Variants in RORA observed in about 807,000 individuals in gnomAD.
The protein encoded by RORA is RAR related orphan receptor A, also known as nuclear receptor ROR-alpha.
RORA carries 7 observed loss-of-function variants against 69.5 expected under a neutral mutation model. That is an observed-to-expected ratio of 0.10 (90% CI 0.06 to 0.19). The LOEUF is 0.19. RORA is among the 10% of genes least tolerant of loss of function. The pLI is 1.00. For missense variants in RORA, 457 were observed against 663.0 expected (o/e 0.69, Z 3.41); for synonymous variants, 261 against 240.8 (o/e 1.08, Z -0.78).
chr15:60,541,952 A>C (rs1372044241), intron 2 of RORA, among the ~76,000 whole-genome samples: 1 of 152,198 alleles, frequency 6.6e-6, no homozygotes, highest in Non-Finnish European at 1.5e-5. Flanking sequence ...TTTTGCCTAC[A>C]GAGACAAACA....
chr15:61,051,708 G>A (rs192704431), intron 1 of RORA, among the ~76,000 whole-genome samples: 1 of 152,268 alleles, frequency 6.6e-6, no homozygotes, highest in African/African-American at 2.4e-5. Context: ...GGAAAGGACT[G>A]GTATTTGCTA....
chr15:60,713,945 G>A (rs2071181194), intron 1 of RORA, among the ~76,000 whole-genome samples: 1 of 152,166 alleles, frequency 6.6e-6, no homozygotes, highest in African/African-American at 2.4e-5. Context: ...ATAAAGTGAA[G>A]CTCTCTAGTC....
At chr15:61,117,932 G>A (rs1051373167) in intron 1 of RORA, among the ~76,000 whole-genome samples, 10 of 152,158 alleles carry the variant, frequency 6.6e-5, no homozygotes, top group African/African-American at 2.2e-4. Flanking sequence ...AATTGCTTGG[G>A]CTCAAGATAC....
At chr15:60,888,632 T>C (rs2140455131) in intron 1 of RORA, among the ~76,000 whole-genome samples, 1 of 152,302 alleles carries the variant, frequency 6.6e-6, no homozygotes, top group Non-Finnish European at 1.5e-5. Context: ...CACATGGCAT[T>C]TCTGGGCACA....
chr15:60,937,414 T>C (rs985601357), intron 1 of RORA, among the ~76,000 whole-genome samples: 1 of 152,218 alleles, frequency 6.6e-6, no homozygotes, highest in Admixed American at 6.5e-5. Flanking sequence ...AGCCAAGGTC[T>C]TCCAACCTTG....
intron 1 of RORA, among the ~76,000 whole-genome samples, chr15:60,773,618 G>T (rs1464387730): frequency 6.6e-6 from 1 of 152,158 alleles, no homozygotes; most frequent in African/African-American, 2.4e-5. Flanking sequence ...GAAAGCAAGA[G>T]AACTCTCCAT....
At chr15:60,552,686 C>T (rs933682430) in intron 2 of RORA, among the ~76,000 whole-genome samples, 4 of 152,202 alleles carry the variant, frequency 2.6e-5, no homozygotes, top group Admixed American at 2.6e-4. Flanking sequence ...GTGGAAACTA[C>T]AGCAAGAACC....
chr15:60,594,540 G>T (rs2068625714), intron 2 of RORA, among the ~76,000 whole-genome samples: 1 of 152,186 alleles, frequency 6.6e-6, no homozygotes, highest in African/African-American at 2.4e-5. Context: ...TCCTGCTTTA[G>T]AAAACAATGT....
At chr15:60,839,015 A>C (rs919944293) in intron 1 of RORA, among the ~76,000 whole-genome samples, 1 of 151,960 alleles carries the variant, frequency 6.6e-6, no homozygotes, top group African/African-American at 2.4e-5. Context: ...CAGCCTCCTG[A>C]ATAGCTGGGA....
intron 1 of RORA, among the ~76,000 whole-genome samples, chr15:60,689,659 C>T (rs2070795185): frequency 6.6e-6 from 1 of 151,982 alleles, no homozygotes; most frequent in African/African-American, 2.4e-5. Flanking sequence ...AATACTTAGA[C>T]TAAGTATTTA....
chr15:60,956,726 A>AGT (rs1408609809), intron 1 of RORA, among the ~76,000 whole-genome samples: 11 of 152,234 alleles, frequency 7.2e-5, no homozygotes, highest in African/African-American at 2.7e-4. Flanking sequence ...AGGACTCAAT[A>AGT]AATAGCTATT....
At chr15:61,189,701 C>T (rs1001754594) in intron 1 of RORA, among the ~76,000 whole-genome samples, 1 of 151,540 alleles carries the variant, frequency 6.6e-6, no homozygotes, top group Non-Finnish European at 1.5e-5. Flanking sequence ...ACTAAAAATA[C>T]AAAAAATTAG....
At chr15:61,121,528 G>C (rs939516388) in intron 1 of RORA, among the ~76,000 whole-genome samples, 1 of 152,132 alleles carries the variant, frequency 6.6e-6, no homozygotes, top group Non-Finnish European at 1.5e-5. Context: ...CTACTTGCAC[G>C]TCTCTTTGTC....
chr15:61,079,527 C>T (rs1231792969), intron 1 of RORA, among the ~76,000 whole-genome samples: 1 of 152,158 alleles, frequency 6.6e-6, no homozygotes, highest in East Asian at 1.9e-4. Context: ...ATAGTAGCTA[C>T]GTCGACTAGT....
intron 1 of RORA, among the ~76,000 whole-genome samples, chr15:61,109,393 C>T (rs1219548131): frequency 6.6e-6 from 1 of 152,114 alleles, no homozygotes; most frequent in East Asian, 1.9e-4. Context: ...AAAGTTCTCC[C>T]ATAAAGGCCA....
At chr15:60,893,719 C>A (rs760870651) in intron 1 of RORA, among the ~76,000 whole-genome samples, 1 of 152,162 alleles carries the variant, frequency 6.6e-6, no homozygotes, top group Non-Finnish European at 1.5e-5. Flanking sequence ...ATAAATTCAG[C>A]TGCTCCTGTG....
chr15:60,903,026 T>A (rs7167888), intron 1 of RORA, among the ~76,000 whole-genome samples: 12,247 of 152,280 alleles, frequency 0.08, 1,039 homozygotes, highest in East Asian at 0.21. Flanking sequence ...AAGCTTTTTA[T>A]TCAGGGGATG....
At chr15:60,794,741 A>G (rs965339316) in intron 1 of RORA, among the ~76,000 whole-genome samples, 1 of 152,200 alleles carries the variant, frequency 6.6e-6, no homozygotes, top group Admixed American at 6.5e-5. Flanking sequence ...TTCTATTCTG[A>G]TAGGGTGGAG....
chr15:61,132,085 A>G (rs1362295970), intron 1 of RORA, among the ~76,000 whole-genome samples: 3 of 152,236 alleles, frequency 2.0e-5, no homozygotes, highest in African/African-American at 7.2e-5. Context: ...AGTCTTTTAA[A>G]AAAGGAGGAA....
Sources: gnomAD v4.1 joint callset for allele counts (sites outside exome capture counted in the v4.1 genomes callset) on GRCh38, gnomAD v4.1.1 for gene constraint, MANE v1.5 for transcripts, NCBI Gene and HGNC (gene_info 2026-07-23, HGNC 2026-07-21) for gene names.